Variants in ABCB5 observed in about 807,000 individuals in gnomAD.
ABCB5 encodes ATP binding cassette subfamily B member 5.
A neutral mutation model predicts 144.2 loss-of-function variants in ABCB5; 155 were observed. The observed-to-expected ratio is 1.08, with a 90% CI of 0.94 to 1.23. The LOEUF (loss-of-function observed/expected upper bound fraction) is 1.23. Ranked by LOEUF, ABCB5 falls within the 50% of genes most tolerant of loss-of-function variation. The probability of loss-of-function intolerance (pLI) is 0.00; values close to 1 mark genes in which losing one functional copy is unlikely to be tolerated. For synonymous variants in ABCB5, 610 were observed against 528.6 expected, an observed-to-expected ratio of 1.15 and a Z score of -2.11; for missense variants, 1,830 against 1,520.8, an observed-to-expected ratio of 1.20 and a Z score of -3.38.
At chr7:20,621,516 T>A (rs9791579) in intron 1 of ABCB5, among the ~76,000 whole-genome samples, 7,169 of 152,192 alleles carry the variant, frequency 0.047, 842 homozygotes, top group East Asian at 0.46. Flanking sequence ...GAGTAAAGAA[T>A]AAAACATGGG....
chr7:20,666,126 C>A (rs553815123), intron 14 of ABCB5, among the ~76,000 whole-genome samples: 1 of 150,764 alleles, frequency 6.6e-6, no homozygotes, highest in African/African-American at 2.4e-5. Flanking sequence ...GCCGAGAGCA[C>A]GCCATTGCAC....
At chr7:20,633,346 C>T (rs1784080590) in intron 5 of ABCB5, among the ~76,000 whole-genome samples, 1 of 152,112 alleles carries the variant, frequency 6.6e-6, no homozygotes, top group African/African-American at 2.4e-5. Context: ...CTCACTAAAG[C>T]TTTCTGGGTC....
At chr7:20,722,065 A>G (rs984916905) in intron 20 of ABCB5, among the ~76,000 whole-genome samples, 1 of 152,232 alleles carries the variant, frequency 6.6e-6, no homozygotes, top group African/African-American at 2.4e-5. Flanking sequence ...ACAACTTTAT[A>G]AATAGGAAAT....
rs768696376 is a variant in ABCB5 at position 20,679,471 on chromosome 7, C to CAA, written c.1708-2020_1708-2019dup. 1.3e-3 allele frequency among the ~76,000 whole-genome samples: 76 copies of CAA among 59,444 alleles called. 4 individuals carry two copies. The highest frequency in any genetic ancestry group is 4.2e-3 in the African/African-American group (51 of 12,042). The allele number at this position is 59,444 out of a possible 152,430, so 39.0% of individuals were successfully genotyped here. On this transcript the variant is annotated intron_variant, in intron 14 of 27. Transcript: ENST00000404938. Reference sequence around the variant, plus strand: ...GGGCAACAAGAGCTAAACTCCATCTCAAAAAAAAAAAAAAAGAGAGAGAGA... The same window carrying CAA: ...GGGCAACAAGAGCTAAACTCCATCTCAAAAAAAAAAAAAAAAAGAGAGAGAGA...
Position 20,755,484 on chromosome 7 carries a change from C to G in ABCB5, c.3634C>G (p.His1212Asp). 1 of 1,614,162 alleles carries G rather than the reference C, an allele frequency of 6.2e-7. No homozygotes were observed. The highest frequency in any genetic ancestry group is 8.5e-7 in the Non-Finnish European group (1 of 1,180,032). Residue 1212 changes from histidine to aspartate, a missense_variant, in exon 28 of 28, where the codon CAC becomes GAC. Physicochemically the swap from His to Asp is moderately conservative, Grantham distance 81. Transcript: ENST00000404938. ...GGGAAGGACATGCCTAGTGGTCACT[C>G]ACAGGCTCTCTGCAATTCAGAACGC... ...RTGRTCLVVT[H>D]RLSAIQNADL...
chr7:20,619,792 G>T lies in ABCB5; in HGVS notation c.-21-3473G>T, dbSNP rs542966598. 3.0e-4 allele frequency among the ~76,000 whole-genome samples: 45 copies of T among 152,228 alleles called. 2 individuals are homozygous for T. The South Asian group carries it at 7.1e-3, about 24-fold the overall frequency. On this transcript the variant is annotated intron_variant, in intron 1 of 27. Transcript: ENST00000404938. Reference sequence around the variant, plus strand: ...AGGATATTTCTTAAGTTTTCTTCCAGGGTTTTTATAGTTTCAGGTTTTACA... The same window carrying T: ...AGGATATTTCTTAAGTTTTCTTCCATGGTTTTTATAGTTTCAGGTTTTACA...
At chr7:20,630,120 G>A (rs1784006924) in intron 4 of ABCB5, among the ~76,000 whole-genome samples, 1 of 152,096 alleles carries the variant, frequency 6.6e-6, no homozygotes, top group South Asian at 2.1e-4. Flanking sequence ...ATGCACTGAT[G>A]TAATGACTAT....
At chr7:20,616,285 C>A (rs1783683144) in intron 1 of ABCB5, among the ~76,000 whole-genome samples, 1 of 152,232 alleles carries the variant, frequency 6.6e-6, no homozygotes, top group Non-Finnish European at 1.5e-5. Context: ...ATCCAGCCGC[C>A]TTGGCCTCCC....
In ABCB5 at chr7:20,707,801, C is replaced by CTTTTT. The variant is rs67014566; in HGVS notation, c.2421+3012_2421+3016dup. On this transcript the variant is annotated intron_variant, in intron 20 of 27. Coordinates refer to ENST00000404938, the MANE Select transcript of ABCB5 (RefSeq NM_001163941.2). Reference sequence around the variant, plus strand: ...TACCTGGACAATGGTAACCTCATTTCTTTTTTTTTTTTTTTTTTTTTTGAG... The same window carrying CTTTTT: ...TACCTGGACAATGGTAACCTCATTTCTTTTTTTTTTTTTTTTTTTTTTTTTTTGAG... 9.8e-3 allele frequency among the ~76,000 whole-genome samples: 910 copies of CTTTTT among 93,002 alleles called. 52 individuals are homozygous for CTTTTT. Among genetic ancestry groups the CTTTTT allele is most frequent in the African/African-American group, 0.034 (808 of 23,564 alleles). 61.0% of individuals were successfully genotyped at this position (93,002 alleles called of 152,430 possible).
At chr7:20,750,065 A>T (rs895951831) in intron 26 of ABCB5, among the ~76,000 whole-genome samples, 1 of 152,162 alleles carries the variant, frequency 6.6e-6, no homozygotes, top group Non-Finnish European at 1.5e-5. Context: ...AAGATTTTTA[A>T]ATAGGGAACA....
chr7:20,632,176 G>T, intron 5 of ABCB5, 63 bp downstream of exon 5: 1 of 1,193,362 alleles, frequency 8.4e-7, no homozygotes, highest in South Asian at 1.7e-5. Flanking sequence ...AAGCTTACAA[G>T]AAAAAAGCAA....
In ABCB5 at chr7:20,651,540, G is replaced by A; in HGVS notation, c.1453G>A (p.Gly485Arg). The A allele has an allele frequency of 6.2e-7, 1 of 1,614,074 alleles. No individual in the cohort carries two copies. The highest frequency in any genetic ancestry group is 1.3e-5 in the African/African-American group (1 of 75,002). Residue 485 changes from glycine to arginine, a missense_variant, in exon 13 of 28, where the codon GGA becomes AGA. Transcript: ENST00000404938. ...GTTISNNIKYGRDDVTDEEME... is the reference protein window; with the variant it reads ...GTTISNNIKYRRDDVTDEEME... ...CACCATCAGTAACAATATCAAGTAT[G>A]GACGAGATGATGTGACTGATGAAGA...
rs746092316 is a variant in ABCB5 at position 20,738,992 on chromosome 7, T to G, written c.2877T>G (p.Thr959=). 2 of 1,598,370 alleles carry G rather than the reference T, an allele frequency of 1.3e-6. No individual in the cohort carries two copies. The highest frequency in any genetic ancestry group is 1.7e-6 in the Non-Finnish European group (2 of 1,173,238). ...MTPEGMFIVF[T]AIAYGAMAIG... ...CTTTATCTTTTGATAGAGTTTTTACTGCAATTGCATATGGAGCTATGGCCA... is the reference window on the plus strand; with the variant it reads ...CTTTATCTTTTGATAGAGTTTTTACGGCAATTGCATATGGAGCTATGGCCA... Residue 959 remains threonine (T), a synonymous_variant, in exon 24 of 28, where the codon ACT becomes ACG. Transcript: ENST00000404938.
At chr7:20,707,410 G>A (rs1471451918) in intron 20 of ABCB5, among the ~76,000 whole-genome samples, 1 of 152,180 alleles carries the variant, frequency 6.6e-6, no homozygotes, top group African/African-American at 2.4e-5. Context: ...TTTAGCCCAA[G>A]GGAATAGCCT....
chr7:20,718,424 A>C (rs1250742912), intron 20 of ABCB5, among the ~76,000 whole-genome samples: 1 of 152,206 alleles, frequency 6.6e-6, no homozygotes, highest in Non-Finnish European at 1.5e-5. Flanking sequence ...TTAAACACTT[A>C]ACCAGGCTAC....
At position 20,646,087 on chromosome 7, in the gene ABCB5, C is replaced by G. The variant is rs753633669; in HGVS notation, c.930C>G (p.Thr310=). The G allele has an allele frequency of 5.9e-5, 96 of 1,613,728 alleles. No homozygotes were observed. The highest frequency in any genetic ancestry group is 8.0e-5 in the Non-Finnish European group (94 of 1,179,766). Reference sequence around the variant, plus strand: ...ATGGACTTGCTTTTTGGTATGGAACCTCCTTGATTCTTAATGGAGAACCTG... The same window carrying G: ...ATGGACTTGCTTTTTGGTATGGAACGTCCTTGATTCTTAATGGAGAACCTG... The part of the protein sequence containing the change: ...GTYGLAFWYG[T]SLILNGEPGY... The change falls in exon 9 of 28, where the codon ACC becomes ACG. Residue 310 remains threonine (T), a synonymous_variant. Coordinates refer to ENST00000404938, the MANE Select transcript of ABCB5 (RefSeq NM_001163941.2).
chr7:20,648,149 A>G, intron 11 of ABCB5, 71 bp downstream of exon 11: 1 of 944,104 alleles, frequency 1.1e-6, no homozygotes, highest in Non-Finnish European at 1.6e-6. Flanking sequence ...ATCTTCTCTG[A>G]CATGATTACT....
chr7:20,711,849 CT>C (rs1486175655), intron 20 of ABCB5, among the ~76,000 whole-genome samples: 1 of 60,736 alleles, frequency 1.6e-5, no homozygotes, highest in African/African-American at 6.7e-5. Flanking sequence ...TCTTTCTTTT[CT>C]TTCTTTCTTT....
Position 20,697,229 on chromosome 7 carries a change from C to G in ABCB5, c.2011-1178C>G, listed in dbSNP as rs1408822290. ...GTGGGTTAGCCACCCTGAAAATGGA[C>G]TTTAAAGGCATCAGAATTTCAAAGT... On this transcript the variant is annotated intron_variant, in intron 16 of 27. Transcript: ENST00000404938. 2.0e-5 allele frequency among the ~76,000 whole-genome samples: 3 copies of G among 152,104 alleles called. No homozygotes were observed. The East Asian group carries it at 5.8e-4, about 29-fold the overall frequency.
Sources: gnomAD v4.1 joint callset for allele counts (sites outside exome capture counted in the v4.1 genomes callset) on GRCh38, gnomAD v4.1.1 for gene constraint, MANE v1.5 for transcripts, NCBI Gene and HGNC (gene_info 2026-07-23, HGNC 2026-07-21) for gene names.